The following TMED8 variants were observed in gnomAD, a reference collection of about 807,000 sequenced individuals.
TMED8 encodes the protein protein TMED8.
In TMED8, 15 loss-of-function variants were observed where a neutral mutation model predicts 32.7. The ratio of observed to expected loss-of-function variants is 0.46; its 90% CI spans 0.31 to 0.71. The LOEUF is 0.71. Among genes scored for constraint, TMED8 ranks in the 30% least tolerant of loss-of-function variants. The pLI, the probability that TMED8 is intolerant of heterozygous loss-of-function variation, is 0.06. For missense variants in TMED8, 390 were observed against 423.9 expected (o/e 0.92, Z 0.70); for synonymous variants, 147 against 161.4 (o/e 0.91, Z 0.68).
At chr14:77,366,640 G>A (rs1893557963) in intron 1 of TMED8, among the ~76,000 whole-genome samples, 1 of 152,160 alleles carries the variant, frequency 6.6e-6, no homozygotes, top group South Asian at 2.1e-4. Context: ...AAAGTACCTA[G>A]CTATTCTACC....
At position 77,376,664 on chromosome 14, in the gene TMED8, A is replaced by G; in HGVS notation, c.118+272T>C. On this transcript the variant is annotated intron_variant, in intron 1 of 5. Transcript: ENST00000216468. The surrounding 1 kb of genome is among the most constrained non-coding windows in gnomAD (Gnocchi z 4.0). ...CTGAAGCTGAAGAGGCGCCAGGGGC[A>G]GAGCCACCCTGTCACTACCATTTGG... is the stretch of plus-strand genomic sequence containing the variant. The G allele has an allele frequency of 3.8e-6, 1 of 261,948 alleles. No individual in the cohort carries two copies. The highest frequency in any genetic ancestry group is 5.4e-5 in the Admixed American group (1 of 18,352). The allele number at this position is 261,948 out of a possible 1,614,324, so 16.2% of individuals were successfully genotyped here.
At chr14:77,349,215 C>T (rs769646509) in intron 2 of TMED8, among the ~76,000 whole-genome samples, 4 of 146,412 alleles carry the variant, frequency 2.7e-5, no homozygotes, top group African/African-American at 1.0e-4. Context: ...CTCCCTGGTT[C>T]AAGCAATTCT....
chr14:77,357,541 T>C (rs2139620913), intron 1 of TMED8, among the ~76,000 whole-genome samples: 1 of 152,360 alleles, frequency 6.6e-6, no homozygotes, highest in Admixed American at 6.5e-5. Flanking sequence ...GGATAAAGAC[T>C]TGATCCTTCA....
At position 77,341,894 on chromosome 14, in the gene TMED8, G is replaced by T. The variant is rs757303696; in HGVS notation, c.855C>A (p.His285Gln). 39 of 1,613,938 alleles carry T rather than the reference G, an allele frequency of 2.4e-5. No homozygotes were observed. Among genetic ancestry groups the T allele is most frequent in the Non-Finnish European group, 3.2e-5 (38 of 1,180,042 alleles). The change falls in exon 6 of 6, where the codon CAC (histidine) becomes CAA (glutamine). Residue 285 changes from histidine (H) to glutamine (Q), a missense_variant. Physicochemically the swap from His to Gln is conservative, Grantham distance 24. Transcript: ENST00000216468. ...EVMPVYRRDSHRDVQAGSHDY... is the reference protein window; with the variant it reads ...EVMPVYRRDSQRDVQAGSHDY... ...CATGGCTGCCAGCCTGCACGTCTCGGTGGCTGTCCCGCCGGTACACAGGCA... is the reference window on the plus strand; with the variant it reads ...CATGGCTGCCAGCCTGCACGTCTCGTTGGCTGTCCCGCCGGTACACAGGCA...
At position 77,341,894 on chromosome 14, in the gene TMED8, G is replaced by A. The variant is rs757303696; in HGVS notation, c.855C>T (p.His285=). ...CATGGCTGCCAGCCTGCACGTCTCG[G>A]TGGCTGTCCCGCCGGTACACAGGCA... ...EVMPVYRRDS[H]RDVQAGSHDY... The change falls in exon 6 of 6, where the codon CAC becomes CAT. Residue 285 remains histidine (H), a synonymous_variant. Coordinates refer to ENST00000216468, the MANE Select transcript of TMED8 (RefSeq NM_213601.3). The A allele has an allele frequency of 1.2e-6, 2 of 1,613,938 alleles. No homozygotes were observed. The highest frequency in any genetic ancestry group is 1.3e-5 in the African/African-American group (1 of 74,910).
chr14:77,370,005 C>G (rs1893640843), intron 1 of TMED8, among the ~76,000 whole-genome samples: 1 of 152,098 alleles, frequency 6.6e-6, no homozygotes, highest in South Asian at 2.1e-4. Context: ...AACCCCATCT[C>G]TACTAAAAAT....
chr14:77,369,506 C>T (rs1893629605), intron 1 of TMED8, among the ~76,000 whole-genome samples: 1 of 152,224 alleles, frequency 6.6e-6, no homozygotes, highest in Admixed American at 6.5e-5. Flanking sequence ...TCACCAGGCT[C>T]CCCCTTGACG....
At position 77,351,556 on chromosome 14, in the gene TMED8, C is replaced by A. The variant is rs920904070; in HGVS notation, c.197+117G>T. 9 of 946,514 alleles carry A rather than the reference C, an allele frequency of 9.5e-6. No individual in the cohort carries two copies. In the African/African-American group the frequency reaches 1.5e-4, roughly 16 times the overall value. 58.6% of individuals were successfully genotyped at this position (946,514 alleles called of 1,614,324 possible). ...GATTACAGGCGTGAGCCACTGCGCC[C>A]GGCCCACATTCTTTACTTTAACTTG... On this transcript the variant is annotated intron_variant, in intron 2 of 5. Transcript: ENST00000216468.
At chr14:77,349,672 G>A (rs562330411) in intron 2 of TMED8, among the ~76,000 whole-genome samples, 4 of 152,108 alleles carry the variant, frequency 2.6e-5, no homozygotes, top group Non-Finnish European at 4.4e-5. Flanking sequence ...TATAAAATGT[G>A]TGCCCCTTCC....
At chr14:77,375,837 TGG>T (rs1209222491) in intron 1 of TMED8, among the ~76,000 whole-genome samples, 1 of 152,210 alleles carries the variant, frequency 6.6e-6, no homozygotes, top group Non-Finnish European at 1.5e-5. Flanking sequence ...GTGTGTACCA[TGG>T]ACTATACCCC....
chr14:77,359,161 C>T (rs1180161404), intron 1 of TMED8, among the ~76,000 whole-genome samples: 3 of 152,102 alleles, frequency 2.0e-5, no homozygotes, highest in South Asian at 2.1e-4. Context: ...ATGCCCACCC[C>T]GGACTCCCAA....
intron 1 of TMED8, among the ~76,000 whole-genome samples, chr14:77,364,796 G>A (rs1276584781): frequency 6.6e-6 from 1 of 152,056 alleles, no homozygotes; most frequent in Non-Finnish European, 1.5e-5. Flanking sequence ...TATACACATT[G>A]CCCAATTTCT....
rs769302547 is a variant in TMED8, at chr14:77,343,307, C to T, written c.631G>A (p.Asp211Asn). The T allele has an allele frequency of 3.1e-6, 5 of 1,614,184 alleles. No individual in the cohort carries two copies. Among genetic ancestry groups the T allele is most frequent in the South Asian group, 1.1e-5 (1 of 91,082 alleles). Residue 211 changes from aspartate (D) to asparagine (N), a missense_variant, in exon 5 of 6, where the codon GAT becomes AAT. By Grantham distance (23) the Asp-to-Asn change is conservative. Transcript: ENST00000216468. ...GKRVCWEFAT[D>N]DYDIGFGVYF... ...ACTCCAAAGCCAATGTCATAGTCAT[C>T]GGTCGCAAACTCCCAGCAGACACGC...
chr14:77,345,659 CAAA>C (rs11297608), intron 3 of TMED8, among the ~76,000 whole-genome samples: 10 of 103,228 alleles, frequency 9.7e-5, no homozygotes, highest in African/African-American at 2.9e-4. Context: ...ACCTTTGTCT[CAAA>C]AAAAAAAAAA....
chr14:77,360,078 T>C (rs932123627), intron 1 of TMED8, among the ~76,000 whole-genome samples: 3 of 152,214 alleles, frequency 2.0e-5, no homozygotes, highest in Admixed American at 2.0e-4. Flanking sequence ...TTGATATACA[T>C]ATAGATGGTG....
chr14:77,374,439 C>T (rs1893768041), intron 1 of TMED8, among the ~76,000 whole-genome samples: 1 of 152,218 alleles, frequency 6.6e-6, no homozygotes, highest in South Asian at 2.1e-4. Flanking sequence ...GGATGTTTAG[C>T]AAACATCCCT....
intron 1 of TMED8, 76 bp from the exon 2 acceptor site, chr14:77,351,827 AT>A: frequency 7.6e-7 from 1 of 1,312,012 alleles, no homozygotes; most frequent in South Asian, 1.4e-5. Context: ...CTTTAAAAAA[AT>A]CTAGCAATTT....
chr14:77,357,843 G>A (rs1317755017), intron 1 of TMED8, among the ~76,000 whole-genome samples: 1 of 152,032 alleles, frequency 6.6e-6, no homozygotes, highest in Admixed American at 6.6e-5. Context: ...GTCTTTAAAG[G>A]CTGGGCATGG....
intron 5 of TMED8, among the ~76,000 whole-genome samples, chr14:77,342,896 G>A (rs946753530): frequency 1.3e-5 from 2 of 152,092 alleles, no homozygotes; most frequent in East Asian, 3.9e-4. Flanking sequence ...CTAAACTGCC[G>A]CATGACTCAC....
Sources: gnomAD v4.1 joint callset for allele counts (sites outside exome capture counted in the v4.1 genomes callset) on GRCh38, gnomAD v4.1.1 for gene constraint, Gnocchi (gnomAD v3.1) non-coding constraint, MANE v1.5 for transcripts, NCBI Gene and HGNC (gene_info 2026-07-23, HGNC 2026-07-21) for gene names.